Variants in CTNNA3 observed in about 807,000 individuals in gnomAD.
CTNNA3 encodes catenin alpha 3.
CTNNA3 carries 76 observed loss-of-function variants against 95.7 expected under a neutral mutation model. The ratio of observed to expected loss-of-function variants is 0.79; its 90% CI spans 0.66 to 0.96. CTNNA3 has a LOEUF of 0.96. Ranked by LOEUF, CTNNA3 falls within the 40% of genes least tolerant of loss-of-function variation. The pLI is 0.00. For synonymous variants in CTNNA3, 431 were observed against 374.4 expected (o/e 1.15, Z -1.74); for missense variants, 1,191 against 1,089.8 (o/e 1.09, Z -1.31).
At position 66,056,229 on chromosome 10, in the gene CTNNA3, T is replaced by G. The variant is rs1322293125; in HGVS notation, c.2159+13079A>C. 2.0e-5 allele frequency among the ~76,000 whole-genome samples: 3 copies of G among 152,166 alleles called. No homozygotes were observed. The East Asian group carries it at 5.8e-4, about 29-fold the overall frequency. ...GGACAAATACATACTTGTTGAGGGT[T>G]TTTACCATGAAGGGATGTTGAATGT... On this transcript the variant is annotated intron_variant, in intron 15 of 17. Transcript: ENST00000433211.
chr10:67,200,024 A>C (rs1429051876), intron 6 of CTNNA3, among the ~76,000 whole-genome samples: 1 of 152,192 alleles, frequency 6.6e-6, no homozygotes, highest in Non-Finnish European at 1.5e-5. Context: ...GCAGACAGGA[A>C]AAAGCAATTG....
intron 5 of CTNNA3, among the ~76,000 whole-genome samples, chr10:67,426,931 G>A (rs192457495): frequency 2.6e-4 from 39 of 152,080 alleles, no homozygotes; most frequent in Admixed American, 1.4e-3. Flanking sequence ...CAATGTACAG[G>A]AAGAAACAGT....
Position 66,529,072 on chromosome 10 carries a change from C to A in CTNNA3, c.1375-8299G>T, listed in dbSNP as rs528051052. Among the ~76,000 whole-genome samples, 5 of 152,070 alleles carry A rather than the reference C, an allele frequency of 3.3e-5. No homozygotes were observed. In the East Asian group the frequency reaches 9.7e-4, roughly 29 times the overall value. On this transcript the variant is annotated intron_variant, in intron 10 of 17. Coordinates refer to ENST00000433211, the MANE Select transcript of CTNNA3 (RefSeq NM_013266.4). ...TCACTTTTTCTTAAGGCCCTCAAAACTCTGTATACTTTAGGCTCCACACAG... is the reference window on the plus strand; with the variant it reads ...TCACTTTTTCTTAAGGCCCTCAAAAATCTGTATACTTTAGGCTCCACACAG...
At chr10:66,816,296 A>G (rs1842081416) in intron 7 of CTNNA3, among the ~76,000 whole-genome samples, 1 of 152,134 alleles carries the variant, frequency 6.6e-6, no homozygotes, top group South Asian at 2.1e-4. Context: ...TATGTAAGAC[A>G]TAGAAAACAA....
intron 2 of CTNNA3, among the ~76,000 whole-genome samples, chr10:67,618,311 G>A (rs190147444): frequency 2.1e-4 from 32 of 152,224 alleles, no homozygotes; most frequent in Admixed American, 1.4e-3. Context: ...CCCTTGGTCC[G>A]TCCAGCCCCG....
chr10:67,548,794 A>G (rs1054068639), intron 3 of CTNNA3, among the ~76,000 whole-genome samples: 7 of 152,146 alleles, frequency 4.6e-5, no homozygotes, highest in Non-Finnish European at 1.0e-4. Context: ...CTCCAAAAAA[A>G]AAATCATTAA....
chr10:67,223,033 G>A (rs183859312), intron 5 of CTNNA3, among the ~76,000 whole-genome samples: 11 of 152,296 alleles, frequency 7.2e-5, no homozygotes, highest in Admixed American at 3.9e-4. Context: ...CTCTGCCCAA[G>A]GCAATTACAG....
intron 7 of CTNNA3, among the ~76,000 whole-genome samples, chr10:66,886,571 G>A (rs932357896): frequency 6.6e-6 from 1 of 152,136 alleles, no homozygotes; most frequent in South Asian, 2.1e-4. Flanking sequence ...ATTTTCCATC[G>A]ACATGTTATG....
intron 5 of CTNNA3, among the ~76,000 whole-genome samples, chr10:67,333,495 G>A (rs568287027): frequency 3.0e-4 from 45 of 152,152 alleles, no homozygotes; most frequent in African/African-American, 1.0e-3. Context: ...ATGCTGGGTT[G>A]GATTTAAATG....
At chr10:67,000,135 C>A (rs1851593831) in intron 7 of CTNNA3, among the ~76,000 whole-genome samples, 1 of 152,162 alleles carries the variant, frequency 6.6e-6, no homozygotes, top group Non-Finnish European at 1.5e-5. Context: ...AATATAGGGC[C>A]TTCCAGATGA....
chr10:66,477,704 C>A (rs759944397), intron 11 of CTNNA3, among the ~76,000 whole-genome samples: 9 of 152,026 alleles, frequency 5.9e-5, no homozygotes, highest in Non-Finnish European at 1.3e-4. Context: ...TTGCCTGGAT[C>A]TTAGGGCAAT....
intron 7 of CTNNA3, among the ~76,000 whole-genome samples, chr10:67,131,417 A>C (rs1362465540): frequency 6.6e-6 from 1 of 152,134 alleles, no homozygotes; most frequent in Non-Finnish European, 1.5e-5. Flanking sequence ...ATCTGGCACA[A>C]ATAAACAACT....
intron 14 of CTNNA3, among the ~76,000 whole-genome samples, chr10:66,072,037 G>A (rs1308546766): frequency 1.3e-5 from 2 of 152,134 alleles, no homozygotes; most frequent in Admixed American, 6.6e-5. Context: ...ATATCACTCC[G>A]TTACTCAACT....
At chr10:66,978,069 C>T (rs74141746) in intron 7 of CTNNA3, among the ~76,000 whole-genome samples, 358 of 6,210 alleles carry the variant, frequency 0.058, 2 homozygotes, top group Middle Eastern at 0.25. Context: ...TATATATATA[C>T]ACACACACAC....
chr10:67,234,141 G>T (rs1865348138), intron 5 of CTNNA3, among the ~76,000 whole-genome samples: 1 of 152,126 alleles, frequency 6.6e-6, no homozygotes, highest in South Asian at 2.1e-4. Context: ...GAAAAAGAGG[G>T]AATCCTCCCT....
At chr10:66,759,265 T>C (rs1306649977) in intron 9 of CTNNA3, among the ~76,000 whole-genome samples, 1 of 152,174 alleles carries the variant, frequency 6.6e-6, no homozygotes, top group African/African-American at 2.4e-5. Context: ...TGGCATTTGG[T>C]ACTTTAATGT....
chr10:66,845,729 A>AAAAAAAAAAAAAAAAAAAAAAAAAAC (rs1297933220), intron 7 of CTNNA3, among the ~76,000 whole-genome samples: 2 of 87,736 alleles, frequency 2.3e-5, no homozygotes, highest in Admixed American at 1.3e-4. Flanking sequence ...AAAAAAAAAA[A>AAAAAAAAAAAAAAAAAAAAAAAAAAC]CTAAAAAGGT....
chr10:66,484,553 A>G (rs546711522), intron 11 of CTNNA3, among the ~76,000 whole-genome samples: 34 of 152,200 alleles, frequency 2.2e-4, no homozygotes, highest in Admixed American at 5.9e-4. Context: ...AAAACAGAGA[A>G]AGATATGCAA....
chr10:66,425,112 A>T (rs34330825), intron 11 of CTNNA3, among the ~76,000 whole-genome samples: 40,003 of 151,622 alleles, frequency 0.26, 5,379 homozygotes, highest in South Asian at 0.39. Context: ...ATTGTTATTT[A>T]AAAAAATCCT....
Sources: gnomAD v4.1 joint callset for allele counts (sites outside exome capture counted in the v4.1 genomes callset) on GRCh38, gnomAD v4.1.1 for gene constraint, MANE v1.5 for transcripts, NCBI Gene and HGNC (gene_info 2026-07-23, HGNC 2026-07-21) for gene names.